The following SPIDR variants were observed in gnomAD, a reference collection of about 807,000 sequenced individuals.
SPIDR encodes scaffold protein involved in DNA repair.
A neutral mutation model predicts 104.6 loss-of-function variants in SPIDR; 93 were observed. The ratio of observed to expected loss-of-function variants is 0.89; its 90% CI spans 0.75 to 1.06. SPIDR has a LOEUF of 1.06. Among genes scored for constraint, SPIDR ranks in the 50% least tolerant of loss-of-function variants. SPIDR has a pLI of 0.00. For missense variants in SPIDR, 1,154 were observed against 1,111.2 expected (o/e 1.04, Z -0.55); for synonymous variants, 431 against 416.9 (o/e 1.03, Z -0.41).
intron 5 of SPIDR, among the ~76,000 whole-genome samples, chr8:47,321,325 G>C (rs1004148845): frequency 3.2e-4 from 48 of 152,252 alleles, no homozygotes; most frequent in African/African-American, 1.1e-3. Context: ...GCCAAATTAT[G>C]AGTGAACTCC....
chr8:47,608,802 C>G (rs948983476), intron 10 of SPIDR, among the ~76,000 whole-genome samples: 1 of 152,256 alleles, frequency 6.6e-6, no homozygotes, highest in Non-Finnish European at 1.5e-5. Flanking sequence ...CAGCTCACTG[C>G]AACCTCGGCC....
At chr8:47,307,316 G>A (rs1289569653) in intron 5 of SPIDR, among the ~76,000 whole-genome samples, 4 of 150,966 alleles carry the variant, frequency 2.6e-5, no homozygotes, top group Admixed American at 6.6e-5. Flanking sequence ...TGCCTCCTGG[G>A]TTCAAGCAGT....
intron 1 of SPIDR, among the ~76,000 whole-genome samples, chr8:47,273,936 C>A (rs953044059): frequency 6.6e-6 from 1 of 152,166 alleles, no homozygotes; most frequent in Non-Finnish European, 1.5e-5. Context: ...CCTCCTTTCT[C>A]AGAGGTTACT....
In SPIDR at chr8:47,454,493, G is replaced by A. The variant is rs938733949; in HGVS notation, c.1097+13951G>A. On this transcript the variant is annotated intron_variant, in intron 8 of 19. Coordinates refer to ENST00000297423, the MANE Select transcript of SPIDR (RefSeq NM_001080394.4). ...GGCCTGTGGTGGGGTGCGGGGGTGG[G>A]GAAGCGGGGAAGGGATAGGATTAGG... is the stretch of plus-strand genomic sequence containing the variant. 7.2e-5 allele frequency among the ~76,000 whole-genome samples: 11 copies of A among 152,058 alleles called. 1 individual carries two copies. In the East Asian group the frequency reaches 2.1e-3, roughly 29 times the overall value.
At position 47,334,547 on chromosome 8, in the gene SPIDR, G is replaced by A. The variant is rs372025351; in HGVS notation, c.525+40517G>A. 2.0e-4 allele frequency among the ~76,000 whole-genome samples: 30 copies of A among 152,216 alleles called. 1 individual carries two copies. Among genetic ancestry groups the A allele is most frequent in the Middle Eastern group, 3.4e-3 (1 of 294 alleles). ...TCCTTGATAACTTTCCTTGCTTTAA[G>A]TGTATTCTGCCTGAAATTAATAGGC... On this transcript the variant is annotated intron_variant, in intron 5 of 19. Transcript: ENST00000297423.
intron 8 of SPIDR, among the ~76,000 whole-genome samples, chr8:47,528,492 A>T (rs982190010): frequency 2.0e-5 from 3 of 152,324 alleles, no homozygotes; most frequent in African/African-American, 7.2e-5. Context: ...GAGGTGTTAG[A>T]ATTAATCAGA....
At chr8:47,641,201 G>A (rs893215111) in intron 10 of SPIDR, among the ~76,000 whole-genome samples, 6 of 151,118 alleles carry the variant, frequency 4.0e-5, no homozygotes, top group Admixed American at 1.3e-4. Flanking sequence ...TCACTGTCAC[G>A]CAGACTGGAG....
chr8:47,291,158 A>G, intron 4 of SPIDR, 21 bp downstream of exon 4: 1 of 1,523,326 alleles, frequency 6.6e-7, no homozygotes, highest in Non-Finnish European at 9.0e-7. Flanking sequence ...TTGCTCTAGA[A>G]TAGACAGATT....
At chr8:47,303,126 A>C (rs1243153281) in intron 5 of SPIDR, among the ~76,000 whole-genome samples, 1 of 151,952 alleles carries the variant, frequency 6.6e-6, no homozygotes, top group Non-Finnish European at 1.5e-5. Flanking sequence ...TTGTTTACCT[A>C]CTCAAGCCTT....
chr8:47,310,320 C>T (rs781915543), intron 5 of SPIDR, among the ~76,000 whole-genome samples: 2 of 134,240 alleles, frequency 1.5e-5, no homozygotes, highest in African/African-American at 2.8e-5. Context: ...GGTGACAGAA[C>T]GAGACTCCAT....
intron 5 of SPIDR, among the ~76,000 whole-genome samples, chr8:47,349,254 G>C (rs192225001): frequency 1.3e-5 from 2 of 152,236 alleles, no homozygotes; most frequent in Non-Finnish European, 2.9e-5. Context: ...TCCAGACCCT[G>C]TTTGCCTGGG....
chr8:47,309,219 T>C (rs2043675248), intron 5 of SPIDR, among the ~76,000 whole-genome samples: 1 of 152,238 alleles, frequency 6.6e-6, no homozygotes, highest in Non-Finnish European at 1.5e-5. Context: ...TCAAGCTTTT[T>C]GTATGATTAT....
chr8:47,419,650 C>T (rs772705295), intron 7 of SPIDR, among the ~76,000 whole-genome samples: 206 of 152,156 alleles, frequency 1.4e-3, no homozygotes, highest in Admixed American at 4.2e-3. Context: ...TTATTTCTTG[C>T]CTTCTGCTAG....
chr8:47,383,589 A>G (rs1224300351), intron 5 of SPIDR, among the ~76,000 whole-genome samples: 1 of 152,176 alleles, frequency 6.6e-6, no homozygotes, highest in Non-Finnish European at 1.5e-5. Flanking sequence ...TCAAAGCCCT[A>G]TTTAATGAGT....
intron 1 of SPIDR, among the ~76,000 whole-genome samples, chr8:47,265,757 G>A (rs905547491): frequency 6.6e-6 from 1 of 152,140 alleles, no homozygotes; most frequent in Non-Finnish European, 1.5e-5. Flanking sequence ...GTAATATAGA[G>A]AATAATTGTT....
intron 7 of SPIDR, among the ~76,000 whole-genome samples, chr8:47,421,223 TC>T (rs1302740812): frequency 1.3e-5 from 2 of 152,262 alleles, no homozygotes; most frequent in African/African-American, 2.4e-5. Context: ...TTGGTTCCAT[TC>T]TCCCTGTCAC....
At chr8:47,416,338 A>AG (rs2064278193) in intron 7 of SPIDR, among the ~76,000 whole-genome samples, 1 of 152,200 alleles carries the variant, frequency 6.6e-6, no homozygotes, top group Non-Finnish European at 1.5e-5. Context: ...AGATTTATCC[A>AG]AGTTGTTGTG....
intron 5 of SPIDR, among the ~76,000 whole-genome samples, chr8:47,310,770 A>G (rs1316857976): frequency 6.6e-6 from 1 of 152,210 alleles, no homozygotes; most frequent in Admixed American, 6.5e-5. Flanking sequence ...TTAGGCTAAA[A>G]TAACTAAAGA....
intron 8 of SPIDR, among the ~76,000 whole-genome samples, chr8:47,464,550 C>T (rs577625573): frequency 3.0e-4 from 45 of 152,234 alleles, no homozygotes; most frequent in African/African-American, 1.1e-3. Context: ...TCCTTCCTAG[C>T]CCCTGGTGAC....
Sources: allele counts gnomAD v4.1 joint callset (sites outside exome capture counted in the v4.1 genomes callset), GRCh38; gene constraint gnomAD v4.1.1; transcripts MANE v1.5; gene names NCBI Gene and HGNC (gene_info 2026-07-23, HGNC 2026-07-21).